Variants in AGBL1 observed in about 807,000 individuals in gnomAD.
The protein encoded by AGBL1 is cytosolic carboxypeptidase 4.
In AGBL1, 130 loss-of-function variants were observed where a neutral mutation model predicts 118.9. That is an observed-to-expected ratio of 1.09 (90% CI 0.95 to 1.26). AGBL1 has a LOEUF of 1.26. Among genes scored for constraint, AGBL1 ranks in the 50% most tolerant of loss-of-function variants. The pLI is 0.00. For missense variants in AGBL1, 1,584 were observed against 1,298.1 expected (o/e 1.22, Z -3.38); for synonymous variants, 555 against 478.9 (o/e 1.16, Z -2.08).
chr15:86,585,437 A>G (rs11858793), intron 21 of AGBL1, among the ~76,000 whole-genome samples: 5,518 of 152,232 alleles, frequency 0.036, 334 homozygotes, highest in African/African-American at 0.12. Context: ...GTCTCTGCCC[A>G]GGCTGGAGTG....
intron 5 of AGBL1, among the ~76,000 whole-genome samples, chr15:86,220,863 T>C (rs1350080314): frequency 1.3e-5 from 2 of 152,184 alleles, no homozygotes; most frequent in Non-Finnish European, 2.9e-5. Context: ...GATGATGTTA[T>C]GAGTTTACAC....
chr15:86,666,483 G>C (rs2085647311), intron 21 of AGBL1, among the ~76,000 whole-genome samples: 1 of 152,044 alleles, frequency 6.6e-6, no homozygotes, highest in Non-Finnish European at 1.5e-5. Flanking sequence ...TGAAGATAAT[G>C]TGATTATTCC....
At chr15:86,359,204 T>C (rs571523407) in intron 17 of AGBL1, among the ~76,000 whole-genome samples, 1 of 151,954 alleles carries the variant, frequency 6.6e-6, no homozygotes, top group African/African-American at 2.4e-5. Flanking sequence ...ATGTGTGGTT[T>C]AGATAAGTGT....
chr15:86,837,858 GTA>G (rs1320950728), intron 22 of AGBL1, among the ~76,000 whole-genome samples: 4 of 152,134 alleles, frequency 2.6e-5, no homozygotes, highest in Non-Finnish European at 5.9e-5. Context: ...GGCTAGTTCT[GTA>G]TTCTCTTGCT....
intron 21 of AGBL1, among the ~76,000 whole-genome samples, chr15:86,590,747 A>G (rs1160678680): frequency 6.6e-6 from 1 of 152,208 alleles, no homozygotes; most frequent in Non-Finnish European, 1.5e-5. Context: ...CTGGCAGTAT[A>G]AATGCAGGTT....
At chr15:86,859,027 G>A (rs2079524448) in intron 22 of AGBL1, among the ~76,000 whole-genome samples, 1 of 152,194 alleles carries the variant, frequency 6.6e-6, no homozygotes. Flanking sequence ...AAATGCTCAA[G>A]ACTAGGCTCA....
rs181912605 is a variant in AGBL1 at position 86,383,171 on chromosome 15, C to T, written c.2375-14195C>T. On this transcript the variant is annotated intron_variant, in intron 17 of 22. Coordinates refer to ENST00000614907, the MANE Select transcript of AGBL1 (RefSeq NM_001386094.1). Reference sequence around the variant, plus strand: ...CTAGATGTCAGCTGTCTTAAATAGCCGGAGCTGGAAAGGGTTTGGGGGAAG... The same window carrying T: ...CTAGATGTCAGCTGTCTTAAATAGCTGGAGCTGGAAAGGGTTTGGGGGAAG... 1.5e-3 allele frequency among the ~76,000 whole-genome samples: 219 copies of T among 143,340 alleles called. 1 individual carries two copies. The highest frequency in any genetic ancestry group is 5.1e-3 in the African/African-American group (191 of 37,742). 94.0% of individuals were successfully genotyped at this position (143,340 alleles called of 152,430 possible).
In AGBL1 at chr15:86,256,885, C is replaced by T. The variant is rs183456981; in HGVS notation, c.768C>T (p.Val256=). The change falls in exon 8 of 23, where the codon GTC becomes GTT. Residue 256 remains valine, a synonymous_variant. Transcript: ENST00000614907. The part of the protein sequence containing the change: ...NCLDDKSMEP[V]ISVVLQILRQ... ...TGGATGACAAGAGCATGGAGCCCGT[C>T]ATCTCTGTGGTGCTTCAGATCCTGA... 1.2e-6 allele frequency: 2 copies of T among 1,613,814 alleles called. No homozygotes were observed. Among genetic ancestry groups the T allele is most frequent in the East Asian group, 2.2e-5 (1 of 44,886 alleles).
chr15:86,352,575 G>C (rs953148050), intron 17 of AGBL1, among the ~76,000 whole-genome samples: 1 of 151,764 alleles, frequency 6.6e-6, no homozygotes, highest in African/African-American at 2.4e-5. Flanking sequence ...TCTGCCTCCC[G>C]GGTTAAAGCA....
chr15:86,535,940 C>T (rs141968606), intron 19 of AGBL1, among the ~76,000 whole-genome samples: 541 of 152,248 alleles, frequency 3.6e-3, no homozygotes, highest in Admixed American at 7.3e-3. Context: ...TGTTAAGGTA[C>T]CACATCTAGA....
At chr15:86,433,693 G>A (rs2081967799) in intron 18 of AGBL1, among the ~76,000 whole-genome samples, 1 of 152,132 alleles carries the variant, frequency 6.6e-6, no homozygotes, top group South Asian at 2.1e-4. Flanking sequence ...TAAGCTTCCA[G>A]TGTCTACTCC....
At chr15:86,854,137 T>C (rs536401497) in intron 22 of AGBL1, among the ~76,000 whole-genome samples, 1 of 152,296 alleles carries the variant, frequency 6.6e-6, no homozygotes, top group South Asian at 2.1e-4. Flanking sequence ...ACCAACTCTG[T>C]CATCCCATTC....
intron 5 of AGBL1, among the ~76,000 whole-genome samples, chr15:86,178,802 ATC>A (rs1873824559): frequency 6.6e-6 from 1 of 152,144 alleles, no homozygotes; most frequent in South Asian, 2.1e-4. Flanking sequence ...TCCAACCAAT[ATC>A]TCTCTTTTTT....
chr15:86,210,343 T>C (rs1192042522), intron 5 of AGBL1, among the ~76,000 whole-genome samples: 1 of 152,202 alleles, frequency 6.6e-6, no homozygotes, highest in African/African-American at 2.4e-5. Context: ...CTGTATTTCC[T>C]GAATTTGAAT....
chr15:86,863,338 G>T (rs778782548), intron 22 of AGBL1, among the ~76,000 whole-genome samples: 5 of 152,154 alleles, frequency 3.3e-5, no homozygotes, highest in Non-Finnish European at 7.3e-5. Flanking sequence ...AAAGGCAACC[G>T]TGAAGCCAAT....
At chr15:86,504,436 A>C (rs1279350460) in intron 18 of AGBL1, among the ~76,000 whole-genome samples, 1 of 151,500 alleles carries the variant, frequency 6.6e-6, no homozygotes, top group Non-Finnish European at 1.5e-5. Context: ...AAAAGGTTTT[A>C]TGTATGTCAT....
At chr15:86,728,962 G>A (rs187807943) in intron 22 of AGBL1, among the ~76,000 whole-genome samples, 142 of 152,298 alleles carry the variant, frequency 9.3e-4, no homozygotes, top group African/African-American at 3.2e-3. Context: ...TATCTACAGA[G>A]TTCAGTACAT....
In AGBL1 at chr15:86,417,092, T is replaced by C. The variant is rs151035601; in HGVS notation, c.2555+19546T>C. 6.8e-3 allele frequency among the ~76,000 whole-genome samples: 1,038 copies of C among 152,344 alleles called. 16 individuals carry two copies. Among genetic ancestry groups the C allele is most frequent in the African/African-American group, 0.022 (915 of 41,578 alleles). On this transcript the variant is annotated intron_variant, in intron 18 of 22. Coordinates refer to ENST00000614907, the MANE Select transcript of AGBL1 (RefSeq NM_001386094.1). ...TCAACTTGCACTTAAAATTCCTTTA[T>C]AGCATTCATCACATGTGGCCAAATA...
rs1896319963 is a variant in AGBL1 at position 86,095,646 on chromosome 15, C to CTTTTTTTTTT, written c.51+15623_51+15624insTTTTTTTTTT. On this transcript the variant is annotated intron_variant, in intron 1 of 22. Transcript: ENST00000614907. Reference sequence around the variant, plus strand: ...TCATAATGTCACATGACCTTGGATACCTTTTTTTTTTTTTTTTTTTTTTTT... The same window carrying CTTTTTTTTTT: ...TCATAATGTCACATGACCTTGGATACTTTTTTTTTTCTTTTTTTTTTTTTTTTTTTTTTTT... Among the ~76,000 whole-genome samples, 48 of 116,684 alleles carry CTTTTTTTTTT rather than the reference C, an allele frequency of 4.1e-4. 24 individuals are homozygous for CTTTTTTTTTT. The highest frequency in any genetic ancestry group is 4.9e-4 in the Non-Finnish European group (28 of 57,540). 76.5% of individuals were successfully genotyped at this position (116,684 alleles called of 152,430 possible). A position where few individuals can be genotyped will look rare whatever the true frequency, so the allele number is the denominator to read the frequency against.
Sources: allele counts gnomAD v4.1 joint callset (sites outside exome capture counted in the v4.1 genomes callset), GRCh38; gene constraint gnomAD v4.1.1; transcripts MANE v1.5; gene names NCBI Gene and HGNC (gene_info 2026-07-23, HGNC 2026-07-21).